The following VGLL4 variants were observed in gnomAD, a reference collection of about 807,000 sequenced individuals.
VGLL4 encodes the protein transcription cofactor vestigial-like protein 4.
VGLL4 carries 7 observed loss-of-function variants against 21.0 expected under a neutral mutation model. The ratio of observed to expected loss-of-function variants is 0.33; its 90% CI spans 0.19 to 0.63. VGLL4 has a LOEUF of 0.63. VGLL4 is among the 20% of genes least tolerant of loss of function. The pLI is 0.78. For missense variants in VGLL4, 394 were observed against 425.7 expected (o/e 0.93, Z 0.66); for synonymous variants, 222 against 173.2 (o/e 1.28, Z -2.21).
chr3:11,719,796 C>T lies in VGLL4; in HGVS notation c.-14+598G>A, dbSNP rs1575562270. Among the ~76,000 whole-genome samples the T allele has an allele frequency of 3.3e-5, 5 of 152,172 alleles. No individual in the cohort carries two copies. The highest frequency in any genetic ancestry group is 6.5e-5 in the Admixed American group (1 of 15,288). On this transcript the variant is annotated intron_variant, in intron 1 of 5. Coordinates refer to the VGLL4 transcript ENST00000273038. The surrounding 1 kb of genome is among the most constrained non-coding windows in gnomAD (Gnocchi z 4.0). ...CGGCAGGGAGAGGCCGCTTTCCCTC[C>T]CCCGCCAGCTGCGCGCCCGGTGCCA...
intron 1 of VGLL4, chr3:11,710,599 T>C (rs572567002): frequency 1.7e-4 from 26 of 152,386 alleles, no homozygotes; most frequent in African/African-American, 6.0e-4. Flanking sequence ...AAACACCTGA[T>C]GGCCTCTCCA....
intron 2 of VGLL4, among the ~76,000 whole-genome samples, chr3:11,675,396 C>T (rs1201937827): frequency 6.6e-6 from 1 of 151,984 alleles, no homozygotes; most frequent in African/African-American, 2.4e-5. Flanking sequence ...CCAGAACAGG[C>T]ATGAACTATG....
chr3:11,619,195 G>A (rs753101367), intron 1 of VGLL4, among the ~76,000 whole-genome samples: 3 of 152,224 alleles, frequency 2.0e-5, no homozygotes, highest in African/African-American at 7.2e-5. Context: ...AGCTGAGCTC[G>A]GGTGAGCTGA....
intron 2 of VGLL4, among the ~76,000 whole-genome samples, chr3:11,665,365 G>C (rs1246564058): frequency 2.0e-5 from 3 of 151,908 alleles, no homozygotes; most frequent in Non-Finnish European, 4.4e-5. Flanking sequence ...CGCCAGCCTC[G>C]GCCTCCCAAA....
chr3:11,577,868 G>A (rs920899259), intron 2 of VGLL4, among the ~76,000 whole-genome samples: 1 of 152,150 alleles, frequency 6.6e-6, no homozygotes, highest in African/African-American at 2.4e-5. Flanking sequence ...TCCAACTACT[G>A]AAAAGGACTT....
At chr3:11,630,044 G>A (rs1457646569) in intron 1 of VGLL4, among the ~76,000 whole-genome samples, 1 of 152,176 alleles carries the variant, frequency 6.6e-6, no homozygotes, top group Non-Finnish European at 1.5e-5. Flanking sequence ...CTGGCTGCCT[G>A]CTGGTTTCCA....
intron 2 of VGLL4, among the ~76,000 whole-genome samples, chr3:11,681,888 G>T (rs1354179494): frequency 6.6e-6 from 1 of 152,156 alleles, no homozygotes; most frequent in East Asian, 1.9e-4. Flanking sequence ...CAGTGCGAGG[G>T]AAACAGGTGA....
chr3:11,639,215 C>T (rs533864334), intron 1 of VGLL4, among the ~76,000 whole-genome samples: 1 of 152,364 alleles, frequency 6.6e-6, no homozygotes, highest in African/African-American at 2.4e-5. Flanking sequence ...AGTGCAGCGA[C>T]AGCGATCTTG....
At chr3:11,619,556 C>T (rs979997363) in intron 1 of VGLL4, among the ~76,000 whole-genome samples, 1 of 152,258 alleles carries the variant, frequency 6.6e-6, no homozygotes, top group Middle Eastern at 3.4e-3. Context: ...GTCTCACTTC[C>T]CTGGTGGGCT....
At chr3:11,594,197 G>A (rs1342345925) in intron 2 of VGLL4, among the ~76,000 whole-genome samples, 1 of 152,174 alleles carries the variant, frequency 6.6e-6, no homozygotes, top group African/African-American at 2.4e-5. Flanking sequence ...TTCCCCAGGT[G>A]GGATGTAGCT....
At chr3:11,663,434 C>T (rs1040192971) in intron 2 of VGLL4, among the ~76,000 whole-genome samples, 2 of 152,118 alleles carry the variant, frequency 1.3e-5, no homozygotes, top group African/African-American at 4.8e-5. Flanking sequence ...TGTAAGAATC[C>T]TAGGCAAGGC....
rs1002750323 is a variant in VGLL4, at chr3:11,568,877, C to T, written c.273-3858G>A. 160 of 1,346,436 alleles carry T rather than the reference C, an allele frequency of 1.2e-4. No homozygotes were observed. The highest frequency in any genetic ancestry group is 1.4e-4 in the Non-Finnish European group (150 of 1,047,196). The allele number at this position is 1,346,436 out of a possible 1,614,324, so 83.4% of individuals were successfully genotyped here. The stretch of plus-strand genomic sequence containing the variant: ...GCCTATCAGAGCCGCTGAGGCTGCA[C>T]GGCACCCGGCCCCGCCCCGGGCCTC... On this transcript the variant is annotated intron_variant, in intron 2 of 4. Coordinates refer to ENST00000430365, the MANE Select transcript of VGLL4 (RefSeq NM_001128219.3). This position sits in a 1 kb window ranked among gnomAD's most constrained non-coding sequence, Gnocchi z 5.9.
intron 3 of VGLL4, among the ~76,000 whole-genome samples, chr3:11,561,125 A>AC (rs60878177): frequency 1.8e-3 from 263 of 147,184 alleles, no homozygotes; most frequent in East Asian, 0.014. Context: ...GCTCTAGGAG[A>AC]CCCCCCCCCA....
rs1406595108 is a variant in VGLL4 at position 11,719,549 on chromosome 3, C to A, written c.-14+845G>T. 6.6e-6 allele frequency: 1 copy of A among 150,958 alleles called. No individual in the cohort carries two copies. The highest frequency in any genetic ancestry group is 2.4e-5 in the African/African-American group (1 of 41,348). The allele number at this position is 150,958 out of a possible 1,614,324, so 9.4% of individuals were successfully genotyped here. A position where few individuals can be genotyped will look rare whatever the true frequency, so the allele number is the denominator to read the frequency against. On this transcript the variant is annotated intron_variant, in intron 1 of 5. Transcript: ENST00000273038. This position sits in a 1 kb window ranked among gnomAD's most constrained non-coding sequence, Gnocchi z 4.0. Reference sequence around the variant, plus strand: ...ACGCACAGGCGGGCTCGCGCCCGAGCCCCCGCACGGGCCCCCGCCAAACAC... The same window carrying A: ...ACGCACAGGCGGGCTCGCGCCCGAGACCCCGCACGGGCCCCCGCCAAACAC...
At chr3:11,699,092 A>G (rs1653655967) in intron 2 of VGLL4, among the ~76,000 whole-genome samples, 1 of 152,194 alleles carries the variant, frequency 6.6e-6, no homozygotes, top group African/African-American at 2.4e-5. Context: ...AACCTCCCCT[A>G]AAGTCTGAGA....
At chr3:11,600,999 G>C (rs990255674) in intron 2 of VGLL4, among the ~76,000 whole-genome samples, 2 of 152,186 alleles carry the variant, frequency 1.3e-5, no homozygotes, top group Non-Finnish European at 2.9e-5. Context: ...TCTCTGGGCA[G>C]CTGGTGGGGC....
intron 2 of VGLL4, among the ~76,000 whole-genome samples, chr3:11,588,581 A>G (rs2074412796): frequency 6.6e-6 from 1 of 152,254 alleles, no homozygotes. Flanking sequence ...CAGTAAGACC[A>G]GCCAGGAGGG....
At chr3:11,619,887 AGACTCCCTAGAAT>A (rs1391478738) in intron 1 of VGLL4, among the ~76,000 whole-genome samples, 1 of 152,126 alleles carries the variant, frequency 6.6e-6, no homozygotes, top group Non-Finnish European at 1.5e-5. Context: ...TAATCTTCTA[AGACTCCCTAGAAT>A]GACTTTAATA....
chr3:11,564,547 G>C (rs986312312), intron 3 of VGLL4, among the ~76,000 whole-genome samples: 2 of 152,184 alleles, frequency 1.3e-5, no homozygotes, highest in Non-Finnish European at 2.9e-5. Context: ...CCTTGCCCAA[G>C]GCCGTGAGTG....
Sources: gnomAD v4.1 joint callset for allele counts (sites outside exome capture counted in the v4.1 genomes callset) on GRCh38, gnomAD v4.1.1 for gene constraint, Gnocchi (gnomAD v3.1) non-coding constraint, MANE v1.5 for transcripts, NCBI Gene and HGNC (gene_info 2026-07-23, HGNC 2026-07-21) for gene names.